The following TMEM132B variants were observed in gnomAD, a reference collection of about 807,000 sequenced individuals.
The protein encoded by TMEM132B is transmembrane protein 132B.
In TMEM132B, 18 loss-of-function variants were observed where a neutral mutation model predicts 90.8. That is an observed-to-expected ratio of 0.20 (90% CI 0.14 to 0.29). The LOEUF is 0.29. Among genes scored for constraint, TMEM132B ranks in the 10% least tolerant of loss-of-function variants. The pLI, the probability that TMEM132B is intolerant of heterozygous loss-of-function variation, is 1.00. For missense variants in TMEM132B, 1,096 were observed against 1,326.8 expected (o/e 0.83, Z 2.70); for synonymous variants, 504 against 523.3 (o/e 0.96, Z 0.50).
At chr12:125,477,013 T>C (rs1181581592) in intron 3 of TMEM132B, among the ~76,000 whole-genome samples, 2 of 152,196 alleles carry the variant, frequency 1.3e-5, no homozygotes, top group South Asian at 2.1e-4. Flanking sequence ...AACTGTAATA[T>C]ATGGAGTGCT....
At chr12:125,360,094 A>C (rs1281347288) in intron 2 of TMEM132B, among the ~76,000 whole-genome samples, 1 of 152,102 alleles carries the variant, frequency 6.6e-6, no homozygotes, top group Non-Finnish European at 1.5e-5. Flanking sequence ...AACAAAACAA[A>C]ATAGAACACA....
intron 3 of TMEM132B, among the ~76,000 whole-genome samples, chr12:125,444,028 T>C (rs1880941840): frequency 6.6e-6 from 1 of 152,116 alleles, no homozygotes; most frequent in Non-Finnish European, 1.5e-5. Context: ...TTGAAGGAAG[T>C]GTAGTTTCTT....
At chr12:125,632,751 A>C (rs1886395919) in intron 5 of TMEM132B, among the ~76,000 whole-genome samples, 1 of 152,014 alleles carries the variant, frequency 6.6e-6, no homozygotes, top group African/African-American at 2.4e-5. Flanking sequence ...TTTACTGAAA[A>C]TTCTGTTGCT....
chr12:125,634,049 G>T (rs968733234), intron 5 of TMEM132B, among the ~76,000 whole-genome samples: 3 of 152,228 alleles, frequency 2.0e-5, no homozygotes, highest in African/African-American at 7.2e-5. Flanking sequence ...TAGGTCCAGA[G>T]GTGCTGTCTG....
intron 3 of TMEM132B, among the ~76,000 whole-genome samples, chr12:125,433,923 G>A (rs1880621136): frequency 6.6e-6 from 1 of 152,078 alleles, no homozygotes; most frequent in South Asian, 2.1e-4. Flanking sequence ...TCTGCAAATT[G>A]AGTATTACAT....
At chr12:125,280,046 G>T (rs991336667) in intron 1 of TMEM132B, among the ~76,000 whole-genome samples, 1 of 152,242 alleles carries the variant, frequency 6.6e-6, no homozygotes, top group South Asian at 2.1e-4. Flanking sequence ...ACAGAGAGAG[G>T]AAGTGACCTG....
intron 3 of TMEM132B, among the ~76,000 whole-genome samples, chr12:125,483,175 C>G (rs1310791600): frequency 6.6e-6 from 1 of 151,968 alleles, no homozygotes; most frequent in African/African-American, 2.4e-5. Flanking sequence ...AGCAAACCAA[C>G]ACGGCACATG....
chr12:125,421,848 C>T (rs1053541363), intron 3 of TMEM132B, among the ~76,000 whole-genome samples: 1 of 152,102 alleles, frequency 6.6e-6, no homozygotes, highest in African/African-American at 2.4e-5. Context: ...ATGAACTGGC[C>T]TAAATTTTTC....
At chr12:125,548,452 A>T (rs891148156) in intron 4 of TMEM132B, among the ~76,000 whole-genome samples, 4 of 152,208 alleles carry the variant, frequency 2.6e-5, no homozygotes, top group Non-Finnish European at 5.9e-5. Context: ...CCATTAATAG[A>T]TTGTGACTCA....
chr12:125,583,701 T>C, intron 4 of TMEM132B, 150 bp from the exon 5 acceptor site: 2 of 936,404 alleles, frequency 2.1e-6, no homozygotes, highest in South Asian at 3.2e-5. Flanking sequence ...ACTTCCATTT[T>C]GTGTGAGCTT....
At chr12:125,480,723 A>T (rs967354038) in intron 3 of TMEM132B, among the ~76,000 whole-genome samples, 1 of 152,248 alleles carries the variant, frequency 6.6e-6, no homozygotes, top group Admixed American at 6.5e-5. Flanking sequence ...TATTCCAATC[A>T]ATAGAAAAAG....
intron 3 of TMEM132B, among the ~76,000 whole-genome samples, chr12:125,426,162 C>A (rs1880314733): frequency 1.3e-5 from 2 of 152,102 alleles, no homozygotes; most frequent in African/African-American, 4.8e-5. Flanking sequence ...GTAGTGGTAT[C>A]CTCATTTTTT....
chr12:125,510,012 C>T (rs935697782), intron 3 of TMEM132B, among the ~76,000 whole-genome samples: 4 of 152,106 alleles, frequency 2.6e-5, no homozygotes, highest in Non-Finnish European at 5.9e-5. Flanking sequence ...GAAACAGAGA[C>T]GATTCTGAAA....
chr12:125,441,810 G>A (rs1880882595), intron 3 of TMEM132B, among the ~76,000 whole-genome samples: 1 of 152,222 alleles, frequency 6.6e-6, no homozygotes, highest in African/African-American at 2.4e-5. Flanking sequence ...TCTGTAAAAT[G>A]GGGATTTTGT....
At chr12:125,561,991 C>G (rs774993834) in intron 4 of TMEM132B, among the ~76,000 whole-genome samples, 1 of 152,200 alleles carries the variant, frequency 6.6e-6, no homozygotes, top group Non-Finnish European at 1.5e-5. Flanking sequence ...TAGATAGTAT[C>G]TTCTTCCAAT....
At chr12:125,428,231 T>G (rs1880385032) in intron 3 of TMEM132B, among the ~76,000 whole-genome samples, 1 of 152,108 alleles carries the variant, frequency 6.6e-6, no homozygotes, top group Non-Finnish European at 1.5e-5. Flanking sequence ...TGGGTTCAAG[T>G]GATCCTCCTG....
At chr12:125,421,784 A>T (rs1448094030) in intron 3 of TMEM132B, among the ~76,000 whole-genome samples, 1 of 152,238 alleles carries the variant, frequency 6.6e-6, no homozygotes, top group Non-Finnish European at 1.5e-5. Flanking sequence ...ACAAAAAACA[A>T]TGTTGACATA....
chr12:125,201,904 T>C (rs1873072058), intron 1 of TMEM132B, among the ~76,000 whole-genome samples: 1 of 152,230 alleles, frequency 6.6e-6, no homozygotes, highest in East Asian at 1.9e-4. Context: ...GTTGCTCATC[T>C]CTTCTCCCAC....
At chr12:125,221,742 A>G (rs1030031506) in intron 1 of TMEM132B, among the ~76,000 whole-genome samples, 14 of 152,224 alleles carry the variant, frequency 9.2e-5, no homozygotes, top group Non-Finnish European at 2.1e-4. Context: ...TAGGAACAGG[A>G]GACATTCAGA....
Sources: allele counts gnomAD v4.1 joint callset (sites outside exome capture counted in the v4.1 genomes callset), GRCh38; gene constraint gnomAD v4.1.1; transcripts MANE v1.5; gene names NCBI Gene and HGNC (gene_info 2026-07-23, HGNC 2026-07-21).